Variants in GBP6 observed in about 807,000 individuals in gnomAD.
The protein encoded by GBP6 is guanylate-binding protein 6.
GBP6 carries 54 observed loss-of-function variants against 61.5 expected under a neutral mutation model. The ratio of observed to expected loss-of-function variants is 0.88; its 90% CI spans 0.71 to 1.10. GBP6 has a LOEUF of 1.10. Ranked by LOEUF, GBP6 falls within the 50% of genes least tolerant of loss-of-function variation. The pLI is 0.00. For synonymous variants in GBP6, 255 were observed against 273.7 expected (o/e 0.93, Z 0.67); for missense variants, 748 against 752.8 (o/e 0.99, Z 0.07).
chr1:89,372,758 A>G (rs1003349749), intron 3 of GBP6, among the ~76,000 whole-genome samples: 2 of 152,294 alleles, frequency 1.3e-5, no homozygotes, highest in South Asian at 4.1e-4. Flanking sequence ...GCATGGGCAA[A>G]GACTTCATGT....
chr1:89,366,341 T>G (rs901987682), intron 1 of GBP6, among the ~76,000 whole-genome samples: 1 of 152,228 alleles, frequency 6.6e-6, no homozygotes. Flanking sequence ...AGCCTGTACT[T>G]GAATTCTTTA....
At position 89,385,615 on chromosome 1, in the gene GBP6, C is replaced by A. The variant is rs1653121817; in HGVS notation, c.*146C>A. On this transcript the variant is annotated 3_prime_UTR_variant, in exon 11 of 11. Transcript: ENST00000370456. ...GTGGTGCAATCTCAGCTCACTGCAA[C>A]CTCTGCCTCCTGGGTTCAAGAGATT... 1 of 705,148 alleles carries A rather than the reference C, an allele frequency of 1.4e-6. No individual in the cohort carries two copies. Among genetic ancestry groups the A allele is most frequent in the South Asian group, 2.0e-5 (1 of 49,694 alleles). The allele number at this position is 705,148 out of a possible 1,614,324, so 43.7% of individuals were successfully genotyped here. A position where few individuals can be genotyped will look rare whatever the true frequency, so the allele number is the denominator to read the frequency against.
At chr1:89,375,925 C>T (rs190038328) in intron 3 of GBP6, among the ~76,000 whole-genome samples, 331 of 151,980 alleles carry the variant, frequency 2.2e-3, no homozygotes, top group Non-Finnish European at 3.7e-3. Context: ...AATTTTGTAT[C>T]CTTTGACTAA....
At position 89,385,301 on chromosome 1, in the gene GBP6, T is replaced by A; in HGVS notation, c.1734T>A (p.Phe578Leu). 6.2e-7 allele frequency: 1 copy of A among 1,614,084 alleles called. No homozygotes were observed. ...AGATGAATGCAGAGATAAGTCAATT[T>A]AAACGTATGATTGATACTACAAAAA... is the stretch of plus-strand genomic sequence containing the variant. ...YEEMNAEISQ[F>L]KRMIDTTKND... is the part of the protein sequence containing the mutation. The change falls in exon 11 of 11, where the codon TTT (phenylalanine) becomes TTA (leucine). Residue 578 changes from phenylalanine to leucine, a missense_variant. By Grantham distance (22) the Phe-to-Leu change is conservative. Coordinates refer to ENST00000370456, the MANE Select transcript of GBP6 (RefSeq NM_198460.3).
At position 89,369,646 on chromosome 1, in the gene GBP6, C is replaced by T; in HGVS notation, c.291C>T (p.Asp97=). Residue 97 remains aspartate (D), a synonymous_variant, in exon 3 of 11, where the codon GAC becomes GAT. Transcript: ENST00000370456. ...SKPNHTLVLL[D]TEGLGDVEKG... The stretch of plus-strand genomic sequence containing the variant: ...CAAACCACACCCTGGTCCTTCTGGA[C>T]ACCGAAGGTCTGGGCGATGTGGAAA... 1.9e-6 allele frequency: 3 copies of T among 1,614,078 alleles called. No individual in the cohort carries two copies. The highest frequency in any genetic ancestry group is 2.5e-6 in the Non-Finnish European group (3 of 1,179,948).
At chr1:89,366,180 T>G (rs952112753) in intron 1 of GBP6, among the ~76,000 whole-genome samples, 2 of 152,232 alleles carry the variant, frequency 1.3e-5, no homozygotes, top group Non-Finnish European at 2.9e-5. Context: ...TTAATATGTA[T>G]GTACATAATT....
Position 89,383,767 on chromosome 1 carries a change from G to C in GBP6, c.1468+13G>C. 1.3e-6 allele frequency: 2 copies of C among 1,573,364 alleles called. No homozygotes were observed. Among genetic ancestry groups the C allele is most frequent in the Non-Finnish European group, 1.7e-6 (2 of 1,154,474 alleles). Reference sequence around the variant, plus strand: ...AAGGCAGTAGCAGGTATGGGGCAGGGCTCAGCTTACACAGGAGGGGTACGT... The same window carrying C: ...AAGGCAGTAGCAGGTATGGGGCAGGCCTCAGCTTACACAGGAGGGGTACGT... On this transcript the variant is annotated intron_variant, in intron 9 of 10. Transcript: ENST00000370456.
chr1:89,382,913 T>C (rs556395717), intron 8 of GBP6, 37 bp downstream of exon 8: 1 of 1,422,150 alleles, frequency 7.0e-7, no homozygotes, highest in African/African-American at 1.4e-5. Flanking sequence ...GTTTATAGGA[T>C]AGAGTGAATG....
Position 89,378,529 on chromosome 1 carries a change from C to A in GBP6, c.541C>A (p.Arg181=), listed in dbSNP as rs141436979. ...CTTCCCAGACTTTCTTTGGACAGTA[C>A]GGGATTTCACTCTGGAGCTGAAGTT... The part of the protein sequence containing the change: ...SFFPDFLWTV[R]DFTLELKLNG... The change falls in exon 5 of 11, where the codon CGG becomes AGG. Residue 181 remains arginine (R), a synonymous_variant. Coordinates refer to ENST00000370456, the MANE Select transcript of GBP6 (RefSeq NM_198460.3). The A allele has an allele frequency of 1.2e-6, 2 of 1,613,902 alleles. No individual in the cohort carries two copies. Among genetic ancestry groups the A allele is most frequent in the Non-Finnish European group, 1.7e-6 (2 of 1,179,874 alleles).
chr1:89,372,522 C>A (rs894523165), intron 3 of GBP6, among the ~76,000 whole-genome samples: 1 of 152,104 alleles, frequency 6.6e-6, no homozygotes, highest in Non-Finnish European at 1.5e-5. Context: ...CATCTACAAC[C>A]ATCTGATCTT....
At chr1:89,370,756 C>T (rs1221902109) in intron 3 of GBP6, among the ~76,000 whole-genome samples, 2 of 152,120 alleles carry the variant, frequency 1.3e-5, no homozygotes, top group African/African-American at 2.4e-5. Context: ...AAATGATCAC[C>T]ACAATCCAGC....
intron 7 of GBP6, among the ~76,000 whole-genome samples, chr1:89,382,447 C>T (rs12077099): frequency 0.085 from 12,962 of 152,130 alleles, 611 homozygotes; most frequent in African/African-American, 0.12. Flanking sequence ...AGATAAGGAA[C>T]CTGAAGCTCA....
At chr1:89,381,181 A>T (rs1652966898) in intron 6 of GBP6, among the ~76,000 whole-genome samples, 1 of 146,842 alleles carries the variant, frequency 6.8e-6, no homozygotes, top group South Asian at 2.3e-4. Context: ...GCTACTTAGG[A>T]GGCTGAGGCA....
chr1:89,371,512 T>C (rs1018321885), intron 3 of GBP6, among the ~76,000 whole-genome samples: 13 of 152,072 alleles, frequency 8.5e-5, no homozygotes, highest in Admixed American at 2.6e-4. Flanking sequence ...GTTCAACATA[T>C]GCAAATCAAT....
chr1:89,368,863 A>G, intron 2 of GBP6, 122 bp downstream of exon 2: 1 of 796,730 alleles, frequency 1.3e-6, no homozygotes, highest in East Asian at 2.5e-5. Context: ...CAACCTTCTC[A>G]TTCCAATTCT....
chr1:89,385,361 C>A lies in GBP6; in HGVS notation c.1794C>A (p.Asp598Glu), dbSNP rs1305512307. Residue 598 changes from aspartate (D) to glutamate (E), a missense_variant, in exon 11 of 11, where the codon GAC (aspartate) becomes GAA (glutamate). Asp to Glu is a conservative substitution (Grantham distance 45). Coordinates refer to ENST00000370456, the MANE Select transcript of GBP6 (RefSeq NM_198460.3). Reference protein sequence around the residue: ...DDTPWIARTLDNLADELTAIL... With the variant: ...DDTPWIARTLENLADELTAIL... ...CTCCCTGGATTGCACGAACCTTGGA[C>A]AACCTTGCCGATGAGCTAACTGCAA... The A allele has an allele frequency of 9.3e-6, 15 of 1,614,014 alleles. No individual in the cohort carries two copies. Among genetic ancestry groups the A allele is most frequent in the African/African-American group, 4.0e-5 (3 of 74,912 alleles).
In GBP6 at chr1:89,385,304, A is replaced by G; in HGVS notation, c.1737A>G (p.Lys579=). 6.2e-7 allele frequency: 1 copy of G among 1,614,072 alleles called. No individual in the cohort carries two copies. Among genetic ancestry groups the G allele is most frequent in the Non-Finnish European group, 8.5e-7 (1 of 1,179,934 alleles). ...TGAATGCAGAGATAAGTCAATTTAA[A>G]CGTATGATTGATACTACAAAAAATG... ...EEMNAEISQF[K]RMIDTTKNDD... Residue 579 remains lysine, a synonymous_variant, in exon 11 of 11, where the codon AAA becomes AAG. Transcript: ENST00000370456.
intron 2 of GBP6, 33 bp from the exon 3 acceptor site, chr1:89,369,513 T>C (rs1311720973): frequency 1.2e-6 from 2 of 1,606,742 alleles, no homozygotes; most frequent in Non-Finnish European, 1.7e-6. Context: ...TGCTCTGCTG[T>C]CCCTGTGCTT....
intron 3 of GBP6, among the ~76,000 whole-genome samples, chr1:89,377,467 C>T (rs1054857924): frequency 6.6e-6 from 1 of 152,152 alleles, no homozygotes; most frequent in African/African-American, 2.4e-5. Context: ...ATTTTCATAG[C>T]TCTTATCTTC....
Sources: allele counts gnomAD v4.1 joint callset (sites outside exome capture counted in the v4.1 genomes callset), GRCh38; gene constraint gnomAD v4.1.1; transcripts MANE v1.5; gene names NCBI Gene and HGNC (gene_info 2026-07-23, HGNC 2026-07-21).